SGCD: variants seen among roughly 807,000 people sequenced by gnomAD.
The protein encoded by SGCD is sarcoglycan delta, also known as delta-sarcoglycan.
A neutral mutation model predicts 36.6 loss-of-function variants in SGCD; 18 were observed. The ratio of observed to expected loss-of-function variants is 0.49; its 90% CI spans 0.34 to 0.73. The LOEUF (loss-of-function observed/expected upper bound fraction) is 0.73. SGCD is among the 30% of genes least tolerant of loss of function. SGCD has a pLI of 0.01. For synonymous variants in SGCD, 133 were observed against 130.6 expected, an observed-to-expected ratio of 1.02 and a Z score of -0.12; for missense variants, 387 against 346.7, an observed-to-expected ratio of 1.12 and a Z score of -0.92.
chr5:156,596,683 C>T (rs909105116), intron 6 of SGCD, among the ~76,000 whole-genome samples: 4 of 152,104 alleles, frequency 2.6e-5, no homozygotes, highest in Non-Finnish European at 5.9e-5. Context: ...TCTCAGTACA[C>T]ATACATGTCT....
intron 1 of SGCD, among the ~76,000 whole-genome samples, chr5:156,043,310 T>A (rs1382863659): frequency 6.6e-6 from 1 of 152,208 alleles, no homozygotes; most frequent in African/African-American, 2.4e-5. Context: ...GGCACCTGCC[T>A]CTAACTAAGA....
At chr5:156,419,484 G>A (rs1773202173) in intron 3 of SGCD, among the ~76,000 whole-genome samples, 1 of 152,046 alleles carries the variant, frequency 6.6e-6, no homozygotes, top group Non-Finnish European at 1.5e-5. Context: ...TTCTTTTTTA[G>A]AATCAGATTT....
chr5:156,578,726 T>C (rs1480551976), intron 4 of SGCD, among the ~76,000 whole-genome samples: 1 of 152,226 alleles, frequency 6.6e-6, no homozygotes, highest in Non-Finnish European at 1.5e-5. Context: ...TATTCTCTGA[T>C]GGTAGTTTGT....
At chr5:156,219,657 A>G (rs1185985914) in intron 3 of SGCD, among the ~76,000 whole-genome samples, 3 of 152,234 alleles carry the variant, frequency 2.0e-5, no homozygotes, top group Non-Finnish European at 4.4e-5. Flanking sequence ...CATACTAAAA[A>G]TAGAAGCCAA....
the SGCD span, among the ~76,000 whole-genome samples, chr5:155,733,322 C>T: frequency 6.6e-6 from 1 of 152,176 alleles, no homozygotes; most frequent in African/African-American, 2.4e-5. Flanking sequence ...CTCTTTCTGG[C>T]CCACTTAAAT....
chr5:156,451,073 G>A (rs1300330724), intron 3 of SGCD, among the ~76,000 whole-genome samples: 2 of 77,688 alleles, frequency 2.6e-5, no homozygotes, highest in Admixed American at 1.7e-4. Context: ...CCCTCCCCTT[G>A]CCTCTCCTCC....
intron 3 of SGCD, among the ~76,000 whole-genome samples, chr5:156,382,798 T>A (rs1455871200): frequency 6.6e-6 from 1 of 152,220 alleles, no homozygotes; most frequent in South Asian, 2.1e-4. Flanking sequence ...AGAGACTTTA[T>A]GTACTTTCAA....
intron 4 of SGCD, among the ~76,000 whole-genome samples, chr5:156,580,458 C>T (rs1760204842): frequency 6.6e-6 from 1 of 152,140 alleles, no homozygotes; most frequent in African/African-American, 2.4e-5. Context: ...TAATGTTGGC[C>T]TGCTTTGCTA....
chr5:155,753,797 A>G, the SGCD span, among the ~76,000 whole-genome samples: 3,956 of 151,500 alleles, frequency 0.026, 93 homozygotes, highest in Non-Finnish European at 0.041. Flanking sequence ...TAGAGGCTCT[A>G]TTATACCCTG....
the SGCD span, among the ~76,000 whole-genome samples, chr5:155,835,255 G>A: frequency 1.8e-4 from 28 of 151,864 alleles, no homozygotes; most frequent in Non-Finnish European, 1.2e-4. Flanking sequence ...TCATCCACCC[G>A]CCTCAGCCTC....
At chr5:156,700,071 A>G (rs1190764772) in intron 7 of SGCD, among the ~76,000 whole-genome samples, 4 of 152,202 alleles carry the variant, frequency 2.6e-5, no homozygotes, top group Non-Finnish European at 5.9e-5. Context: ...TCCCTACTCC[A>G]TCATTCCCGC....
At chr5:156,712,142 TC>T (rs1459487061) in intron 7 of SGCD, among the ~76,000 whole-genome samples, 1 of 152,212 alleles carries the variant, frequency 6.6e-6, no homozygotes, top group Non-Finnish European at 1.5e-5. Flanking sequence ...GTGACCTCTA[TC>T]TTGTGCTGAC....
Position 156,636,111 on chromosome 5 carries a change from C to T in SGCD, c.503-11353C>T, listed in dbSNP as rs1436332747. On this transcript the variant is annotated intron_variant, in intron 6 of 8. Transcript: ENST00000337851. ...TGTAAACCCAGCCAAAAATCTGTCA[C>T]ACTGGGCTTTGGGCAGTTGATTTGA... Among the ~76,000 whole-genome samples the T allele has an allele frequency of 2.0e-5, 3 of 152,144 alleles. No homozygotes were observed. The East Asian group carries it at 5.8e-4, about 29-fold the overall frequency.
chr5:156,102,602 T>C (rs921315462), intron 1 of SGCD, among the ~76,000 whole-genome samples: 5 of 152,206 alleles, frequency 3.3e-5, no homozygotes, highest in African/African-American at 9.6e-5. Flanking sequence ...TTCTGAGAAA[T>C]GTCTCCAAAG....
intron 3 of SGCD, among the ~76,000 whole-genome samples, chr5:156,163,928 C>A (rs7703516): frequency 0.031 from 4,656 of 147,856 alleles, 392 homozygotes; most frequent in African/African-American, 0.11. Flanking sequence ...GAGGCTGAGG[C>A]AGGAGAATGG....
chr5:156,732,251 C>G (rs1035832721), intron 7 of SGCD, among the ~76,000 whole-genome samples: 1 of 152,008 alleles, frequency 6.6e-6, no homozygotes, highest in African/African-American at 2.4e-5. Context: ...CCAGCTTTTG[C>G]CCATTCAGTA....
At chr5:156,574,590 C>T (rs983345219) in intron 4 of SGCD, among the ~76,000 whole-genome samples, 3 of 152,082 alleles carry the variant, frequency 2.0e-5, no homozygotes, top group East Asian at 1.9e-4. Context: ...AAGAAAGGCT[C>T]GAGTAACCCC....
At chr5:155,941,723 A>G (rs1389663183) in intron 1 of SGCD, among the ~76,000 whole-genome samples, 1 of 152,042 alleles carries the variant, frequency 6.6e-6, no homozygotes, top group Admixed American at 6.5e-5. Flanking sequence ...CAATGCCTCT[A>G]TGTTCAAAGT....
chr5:156,710,274 A>G (rs1047922996), intron 7 of SGCD, among the ~76,000 whole-genome samples: 5 of 152,222 alleles, frequency 3.3e-5, no homozygotes, highest in Non-Finnish European at 5.9e-5. Flanking sequence ...ACACTCTCAG[A>G]AAAACCAGCC....
Sources: allele counts gnomAD v4.1 joint callset (sites outside exome capture counted in the v4.1 genomes callset), GRCh38; gene constraint gnomAD v4.1.1; transcripts MANE v1.5; gene names NCBI Gene and HGNC (gene_info 2026-07-23, HGNC 2026-07-21).